The following ASTN2 variants were observed in gnomAD, a reference collection of about 807,000 sequenced individuals.
The protein encoded by ASTN2 is astrotactin 2, also known as astrotactin-2.
ASTN2 carries 54 observed loss-of-function variants against 139.8 expected under a neutral mutation model. The ratio of observed to expected loss-of-function variants is 0.39; its 90% CI spans 0.31 to 0.48. The LOEUF is 0.48. ASTN2 is among the 20% of genes least tolerant of loss of function. ASTN2 has a pLI of 0.95. For synonymous variants in ASTN2, 756 were observed against 719.5 expected (o/e 1.05, Z -0.81); for missense variants, 1,565 against 1,725.1 (o/e 0.91, Z 1.64).
chr9:116,508,741 T>C (rs1218534884), intron 19 of ASTN2, among the ~76,000 whole-genome samples: 1 of 152,162 alleles, frequency 6.6e-6, no homozygotes, highest in African/African-American at 2.4e-5. Context: ...AGATCTAAGA[T>C]CTGGAACCAG....
At chr9:116,841,779 C>A (rs545848044) in intron 11 of ASTN2, among the ~76,000 whole-genome samples, 1 of 152,342 alleles carries the variant, frequency 6.6e-6, no homozygotes, top group East Asian at 1.9e-4. Flanking sequence ...TGATATGTGC[C>A]TGATGCCTGA....
rs1830655749 is a variant in ASTN2, at chr9:116,795,050, T to C, written c.2396+10582A>G. On this transcript the variant is annotated intron_variant, in intron 13 of 22. Coordinates refer to ENST00000313400, the MANE Select transcript of ASTN2 (RefSeq NM_001365068.1). ...AGAGTGCAATGGTGCAATCTCGGCT[T>C]ACTGCAATCTCCGCCTCCTGGGTTC... Among the ~76,000 whole-genome samples, 3 of 152,190 alleles carry C rather than the reference T, an allele frequency of 2.0e-5. No homozygotes were observed. In the South Asian group the frequency reaches 6.2e-4, roughly 32 times the overall value.
chr9:117,101,121 T>C lies in ASTN2; in HGVS notation c.1169-4970A>G, dbSNP rs116790608. The stretch of plus-strand genomic sequence containing the variant: ...ATTCCTCAATTACTTGATGCTTGTC[T>C]GTGTTTAACAGAATGAAAGGGAGGA... On this transcript the variant is annotated intron_variant, in intron 4 of 22. Coordinates refer to ENST00000313400, the MANE Select transcript of ASTN2 (RefSeq NM_001365068.1). 5.5e-3 allele frequency among the ~76,000 whole-genome samples: 835 copies of C among 152,290 alleles called. 10 individuals carry two copies. Among genetic ancestry groups the C allele is most frequent in the African/African-American group, 0.017 (705 of 41,548 alleles).
chr9:117,118,909 C>T (rs1032933412), intron 4 of ASTN2, among the ~76,000 whole-genome samples: 3 of 152,206 alleles, frequency 2.0e-5, no homozygotes, highest in African/African-American at 7.2e-5. Flanking sequence ...CCTCCACCTC[C>T]TCACTCTATC....
At chr9:116,722,202 G>A (rs527615664) in intron 16 of ASTN2, among the ~76,000 whole-genome samples, 36 of 152,272 alleles carry the variant, frequency 2.4e-4, no homozygotes, top group African/African-American at 5.8e-4. Flanking sequence ...AATGAACAAC[G>A]TAGGAACAGA....
rs528132766 is a variant in ASTN2, at chr9:116,970,687, A to C, written c.1889+4521T>G. 1.5e-4 allele frequency among the ~76,000 whole-genome samples: 23 copies of C among 152,328 alleles called. 1 individual carries two copies. The South Asian group carries it at 2.3e-3, about 15-fold the overall frequency. On this transcript the variant is annotated intron_variant, in intron 10 of 22. Transcript: ENST00000313400. ...AGAACAAGGAGACATTCCTAATTCT[A>C]TTCAGAACTAACTCAATGTGAAAAC...
At chr9:116,592,359 G>A (rs747571291) in intron 19 of ASTN2, among the ~76,000 whole-genome samples, 1 of 152,136 alleles carries the variant, frequency 6.6e-6, no homozygotes, top group Non-Finnish European at 1.5e-5. Context: ...GGTTGGAGCA[G>A]GAGGGAGAGA....
chr9:116,992,130 C>T (rs1836877207), intron 7 of ASTN2, among the ~76,000 whole-genome samples: 1 of 152,202 alleles, frequency 6.6e-6, no homozygotes, highest in African/African-American at 2.4e-5. Context: ...TGGGGGCTTA[C>T]ATCCCAAGGA....
At chr9:117,032,416 A>T (rs979446363) in intron 6 of ASTN2, among the ~76,000 whole-genome samples, 10 of 152,212 alleles carry the variant, frequency 6.6e-5, no homozygotes, top group African/African-American at 2.4e-4. Context: ...CATGTTCCAC[A>T]GTATTCAAAG....
intron 1 of ASTN2, among the ~76,000 whole-genome samples, chr9:117,365,115 C>T (rs1829801518): frequency 6.6e-6 from 1 of 151,370 alleles, no homozygotes; most frequent in South Asian, 2.1e-4. Context: ...CTTCACTGCA[C>T]TCCAGCCTGG....
chr9:117,361,195 G>C (rs1829683394), intron 1 of ASTN2, among the ~76,000 whole-genome samples: 1 of 152,158 alleles, frequency 6.6e-6, no homozygotes, highest in African/African-American at 2.4e-5. Flanking sequence ...TTTGTGAAAA[G>C]ACAAAAGAAG....
At chr9:116,480,084 G>A (rs1235418864) in intron 20 of ASTN2, among the ~76,000 whole-genome samples, 1 of 151,604 alleles carries the variant, frequency 6.6e-6, no homozygotes, top group Non-Finnish European at 1.5e-5. Flanking sequence ...GAGAGAGGGA[G>A]GGAAGCAAGG....
intron 13 of ASTN2, among the ~76,000 whole-genome samples, chr9:116,777,251 C>T (rs188624775): frequency 1.3e-5 from 2 of 152,188 alleles, no homozygotes; most frequent in East Asian, 3.9e-4. Flanking sequence ...TGCAGACATC[C>T]ATACAGCAGG....
intron 1 of ASTN2, among the ~76,000 whole-genome samples, chr9:117,406,535 T>C (rs1588019177): frequency 6.6e-6 from 1 of 152,028 alleles, no homozygotes; most frequent in East Asian, 1.9e-4. Flanking sequence ...CCGACCTTCA[T>C]GCTGTCCCTT....
chr9:116,558,239 A>C (rs928343283), intron 19 of ASTN2, among the ~76,000 whole-genome samples: 1 of 152,120 alleles, frequency 6.6e-6, no homozygotes, highest in Non-Finnish European at 1.5e-5. Flanking sequence ...AACAATACAA[A>C]CAGCAGCAGT....
intron 19 of ASTN2, among the ~76,000 whole-genome samples, chr9:116,505,199 G>A (rs1850055595): frequency 6.6e-6 from 1 of 151,474 alleles, no homozygotes; most frequent in African/African-American, 2.4e-5. Flanking sequence ...CTCATCTCGT[G>A]TGCTTTTAGT....
At chr9:117,073,510 A>G (rs1304907542) in intron 5 of ASTN2, among the ~76,000 whole-genome samples, 1 of 152,270 alleles carries the variant, frequency 6.6e-6, no homozygotes, top group South Asian at 2.1e-4. Flanking sequence ...ATCACAATGG[A>G]CGGCTAATCT....
chr9:117,127,671 G>GTTT (rs1829723218), intron 4 of ASTN2, among the ~76,000 whole-genome samples: 3 of 97,142 alleles, frequency 3.1e-5, no homozygotes, highest in Non-Finnish European at 4.3e-5. Context: ...TTTTTGTTTT[G>GTTT]GTTTTTTTTT....
At chr9:117,234,877 C>T (rs1832999402) in intron 2 of ASTN2, among the ~76,000 whole-genome samples, 1 of 152,158 alleles carries the variant, frequency 6.6e-6, no homozygotes, top group African/African-American at 2.4e-5. Context: ...TAAAGGTGAT[C>T]CATATATCAG....
Sources: allele counts gnomAD v4.1 joint callset (sites outside exome capture counted in the v4.1 genomes callset), GRCh38; gene constraint gnomAD v4.1.1; transcripts MANE v1.5; gene names NCBI Gene and HGNC (gene_info 2026-07-23, HGNC 2026-07-21).